Variants in NIPSNAP2 observed in about 807,000 individuals in gnomAD.
The protein encoded by NIPSNAP2 is protein NipSnap homolog 2.
A neutral mutation model predicts 48.4 loss-of-function variants in NIPSNAP2; 42 were observed. That is an observed-to-expected ratio of 0.87 (90% CI 0.68 to 1.12). The LOEUF is 1.12. Among genes scored for constraint, NIPSNAP2 ranks in the 50% most tolerant of loss-of-function variants. The pLI is 0.00. For missense variants in NIPSNAP2, 314 were observed against 347.3 expected, an observed-to-expected ratio of 0.90 and a Z score of 0.76; for synonymous variants, 158 against 126.6, an observed-to-expected ratio of 1.25 and a Z score of -1.67.
At chr7:55,972,910 C>G (rs559023337) in intron 1 of NIPSNAP2, among the ~76,000 whole-genome samples, 2 of 152,208 alleles carry the variant, frequency 1.3e-5, no homozygotes, top group East Asian at 3.9e-4. Flanking sequence ...CAAGACCAAC[C>G]TGGGCAGCAT....
At position 55,999,062 on chromosome 7, in the gene NIPSNAP2, C is replaced by T. The variant is rs781108619; in HGVS notation, c.851C>T (p.Pro284Leu). Reference protein sequence around the residue: ...SRIMIPLKTSPLQ With the variant: ...SRIMIPLKTSLLQ The stretch of plus-strand genomic sequence containing the variant: ...ATCATGATCCCACTGAAGACCTCGC[C>T]CCTCCAGTAAAGCTGTAGAGTTTCT... Residue 284 changes from proline to leucine, a missense_variant, in exon 10 of 10, where the codon CCC (proline) becomes CTC (leucine). Pro to Leu is a moderately conservative substitution (Grantham distance 98). Coordinates refer to ENST00000322090, the MANE Select transcript of NIPSNAP2 (RefSeq NM_001483.3). 35 of 1,612,948 alleles carry T rather than the reference C, an allele frequency of 2.2e-5. No individual in the cohort carries two copies. The highest frequency in any genetic ancestry group is 7.6e-6 in the Non-Finnish European group (9 of 1,179,142).
At chr7:55,979,951 T>A (rs1009974881) in intron 3 of NIPSNAP2, 1 of 425,076 alleles carries the variant, frequency 2.4e-6, no homozygotes, top group Non-Finnish European at 4.7e-6. Flanking sequence ...TACAAATCCA[T>A]GCGTGACTTT....
intron 1 of NIPSNAP2, chr7:55,965,167 A>G (rs987588479): frequency 2.0e-5 from 3 of 152,320 alleles, no homozygotes; most frequent in African/African-American, 7.2e-5. Context: ...GGAGTAGGGA[A>G]TAAAAGAGTA....
chr7:55,996,234 C>T (rs1163677738), intron 8 of NIPSNAP2, among the ~76,000 whole-genome samples: 2 of 148,126 alleles, frequency 1.4e-5, no homozygotes, highest in African/African-American at 2.5e-5. Flanking sequence ...TGCAGTGAGC[C>T]GAGATCGCAC....
At chr7:55,966,915 A>G (rs1207029891) in intron 1 of NIPSNAP2, among the ~76,000 whole-genome samples, 1 of 152,250 alleles carries the variant, frequency 6.6e-6, no homozygotes, top group Non-Finnish European at 1.5e-5. Context: ...GGGAGCTGGC[A>G]AGCTCATTGT....
chr7:55,981,513 C>T lies in NIPSNAP2; in HGVS notation c.319C>T (p.Pro107Ser). The T allele has an allele frequency of 2.5e-6, 4 of 1,613,878 alleles. No individual in the cohort carries two copies. Among genetic ancestry groups the T allele is most frequent in the South Asian group, 1.1e-5 (1 of 91,058 alleles). Residue 107 changes from proline (P) to serine (S), a missense_variant, in exon 4 of 10, where the codon CCT (proline) becomes TCT (serine). By Grantham distance (74) the Pro-to-Ser change is moderately conservative. This residue lies in a region of NIPSNAP2 where 198 missense variants were observed against 185.5 expected (regional missense o/e 1.07). Coordinates refer to ENST00000322090, the MANE Select transcript of NIPSNAP2 (RefSeq NM_001483.3). ...LPKIHEDKHYPCTLVGTWNTW... is the reference protein window; with the variant it reads ...LPKIHEDKHYSCTLVGTWNTW... ...AAAGATTCACGAAGATAAACACTAC[C>T]CTTGTACTTTGGTGGGGACTTGGAA...
intron 3 of NIPSNAP2, chr7:55,979,039 TTTTAG>T (rs1488098380): frequency 6.6e-6 from 1 of 152,268 alleles, no homozygotes; most frequent in East Asian, 1.9e-4. Context: ...AGAAAAAGGT[TTTTAG>T]TTTTGTTTTG....
At chr7:55,983,094 G>C (rs1252435588) in intron 5 of NIPSNAP2, among the ~76,000 whole-genome samples, 1 of 152,130 alleles carries the variant, frequency 6.6e-6, no homozygotes, top group Non-Finnish European at 1.5e-5. Flanking sequence ...CTGCACTACA[G>C]CCTGGGCAGC....
At chr7:55,996,051 G>T (rs1349265203) in intron 8 of NIPSNAP2, among the ~76,000 whole-genome samples, 2 of 152,156 alleles carry the variant, frequency 1.3e-5, no homozygotes, top group African/African-American at 4.8e-5. Context: ...ACTTTGGGAG[G>T]CCGAGGCAGG....
intron 7 of NIPSNAP2, among the ~76,000 whole-genome samples, chr7:55,994,632 G>C (rs944477547): frequency 6.6e-6 from 1 of 152,180 alleles, no homozygotes; most frequent in Non-Finnish European, 1.5e-5. Flanking sequence ...AGGATGGCTC[G>C]AACCCAGGAG....
Position 55,999,363 on chromosome 7 carries a change from A to G in NIPSNAP2, c.*291A>G, listed in dbSNP as rs556401213. ...ACCCTCCAGAAGGGGTCCACGTTGA[A>G]TTCTGAATCATCTTGAAAATAAGAT... On this transcript the variant is annotated 3_prime_UTR_variant, in exon 10 of 10. Coordinates refer to ENST00000322090, the MANE Select transcript of NIPSNAP2 (RefSeq NM_001483.3). 3.8e-6 allele frequency: 1 copy of G among 265,998 alleles called. No homozygotes were observed. The highest frequency in any genetic ancestry group is 1.7e-4 in the South Asian group (1 of 5,978). 16.5% of individuals were successfully genotyped at this position (265,998 alleles called of 1,614,324 possible).
chr7:55,983,910 A>G, intron 6 of NIPSNAP2, 42 bp downstream of exon 6: 1 of 1,584,668 alleles, frequency 6.3e-7, no homozygotes, highest in Non-Finnish European at 8.6e-7. Flanking sequence ...CTCCTCTGTG[A>G]AAAAGCACAA....
intron 1 of NIPSNAP2, among the ~76,000 whole-genome samples, chr7:55,971,521 TG>T (rs1185151302): frequency 1.3e-5 from 2 of 152,110 alleles, no homozygotes; most frequent in African/African-American, 4.8e-5. Flanking sequence ...TGGAGTACAG[TG>T]CATGATCATA....
chr7:55,980,033 T>C (rs1787180599), intron 3 of NIPSNAP2: 1 of 329,318 alleles, frequency 3.0e-6, no homozygotes, highest in Non-Finnish European at 6.1e-6. Context: ...TGTACTGGGC[T>C]TCCTCCTGGG....
intron 3 of NIPSNAP2, chr7:55,979,564 C>T (rs955733958): frequency 4.8e-5 from 16 of 333,586 alleles, no homozygotes; most frequent in Admixed American, 3.5e-4. Context: ...CTCTTGTTTC[C>T]TTCTCCATCT....
chr7:55,985,706 A>C (rs1198781138), intron 7 of NIPSNAP2, among the ~76,000 whole-genome samples: 1 of 149,628 alleles, frequency 6.7e-6, no homozygotes, highest in African/African-American at 2.5e-5. Context: ...AGATTGCACC[A>C]CTGCACTCCA....
chr7:55,996,961 A>C (rs1221370661), intron 8 of NIPSNAP2, among the ~76,000 whole-genome samples: 1 of 152,090 alleles, frequency 6.6e-6, no homozygotes, highest in South Asian at 2.1e-4. Flanking sequence ...CGTTTTGATG[A>C]TTTGAGCCCA....
At chr7:55,987,489 G>A (rs991253901) in intron 7 of NIPSNAP2, among the ~76,000 whole-genome samples, 8 of 152,128 alleles carry the variant, frequency 5.3e-5, no homozygotes, top group African/African-American at 1.2e-4. Context: ...TTAGCTGGGC[G>A]TGGTAGCGTG....
chr7:55,992,061 G>T (rs1787467353), intron 7 of NIPSNAP2, among the ~76,000 whole-genome samples: 1 of 151,994 alleles, frequency 6.6e-6, no homozygotes, highest in South Asian at 2.1e-4. Context: ...TTTCTGTGAA[G>T]ATATTGATCA....
Sources: gnomAD v4.1 joint callset for allele counts (sites outside exome capture counted in the v4.1 genomes callset) on GRCh38, gnomAD v4.1.1 for gene constraint, gnomAD v4.1.1 regional missense constraint, MANE v1.5 for transcripts, NCBI Gene and HGNC (gene_info 2026-07-23, HGNC 2026-07-21) for gene names.